PPM1L: variants seen among roughly 807,000 people sequenced by gnomAD.
PPM1L encodes protein phosphatase 1L.
A neutral mutation model predicts 31.4 loss-of-function variants in PPM1L; 13 were observed. The ratio of observed to expected loss-of-function variants is 0.41; its 90% confidence interval spans 0.27 to 0.66. PPM1L has a LOEUF of 0.66. Among genes scored for constraint, PPM1L ranks in the 30% least tolerant of loss-of-function variants. The probability of loss-of-function intolerance (pLI) is 0.29; values close to 1 mark genes in which losing one functional copy is unlikely to be tolerated. For missense variants in PPM1L, 326 were observed against 453.7 expected, an observed-to-expected ratio of 0.72 and a Z score of 2.56; for synonymous variants, 184 against 175.4, an observed-to-expected ratio of 1.05 and a Z score of -0.39.
At chr3:160,931,996 T>TA (rs1714804441) in intron 1 of PPM1L, among the ~76,000 whole-genome samples, 1 of 152,018 alleles carries the variant, frequency 6.6e-6, no homozygotes, top group Non-Finnish European at 1.5e-5. Context: ...TCTTTTGTTT[T>TA]TTTGCTCTTT....
chr3:160,882,408 AG>A (rs1182413793), intron 1 of PPM1L: 1 of 152,236 alleles, frequency 6.6e-6, no homozygotes, highest in East Asian at 1.9e-4. Flanking sequence ...TTTTAGTTAT[AG>A]GATCAAGATA....
intron 1 of PPM1L, among the ~76,000 whole-genome samples, chr3:160,793,603 C>T (rs1243548491): frequency 2.0e-5 from 3 of 152,056 alleles, no homozygotes; most frequent in Non-Finnish European, 4.4e-5. Flanking sequence ...GTAAAGTGTG[C>T]GTGTTGATTT....
At chr3:160,939,907 A>G (rs1298645451) in intron 1 of PPM1L, among the ~76,000 whole-genome samples, 4 of 152,214 alleles carry the variant, frequency 2.6e-5, no homozygotes, top group Non-Finnish European at 5.9e-5. Flanking sequence ...GCTCAGAAGA[A>G]GACAGGAAAA....
intron 1 of PPM1L, among the ~76,000 whole-genome samples, chr3:160,839,099 A>C (rs1043500803): frequency 2.0e-5 from 3 of 152,178 alleles, no homozygotes; most frequent in Non-Finnish European, 4.4e-5. Context: ...GAAGGCCCTC[A>C]CCAGATGCTG....
At chr3:160,962,486 A>G (rs1315383926) in intron 2 of PPM1L, among the ~76,000 whole-genome samples, 1 of 150,282 alleles carries the variant, frequency 6.7e-6, no homozygotes, top group African/African-American at 2.4e-5. Context: ...CCCAATTTTA[A>G]TGAAATTAGT....
chr3:161,042,543 G>A (rs984203420), intron 2 of PPM1L, among the ~76,000 whole-genome samples: 1 of 152,130 alleles, frequency 6.6e-6, no homozygotes, highest in Non-Finnish European at 1.5e-5. Flanking sequence ...TCCCTCCCCA[G>A]TTCCATGCCA....
intron 1 of PPM1L, among the ~76,000 whole-genome samples, chr3:160,811,330 A>G (rs1257689415): frequency 6.6e-6 from 1 of 152,262 alleles, no homozygotes; most frequent in Non-Finnish European, 1.5e-5. Flanking sequence ...AATCAGCACT[A>G]CAGTCCTCAT....
chr3:160,869,402 G>A (rs1170800990), intron 1 of PPM1L, among the ~76,000 whole-genome samples: 1 of 152,070 alleles, frequency 6.6e-6, no homozygotes, highest in Non-Finnish European at 1.5e-5. Context: ...TGTTTGCTCA[G>A]CTTTGGTGTG....
chr3:160,919,742 A>T (rs1714323493), intron 1 of PPM1L, among the ~76,000 whole-genome samples: 4 of 152,160 alleles, frequency 2.6e-5, no homozygotes, highest in Non-Finnish European at 2.9e-5. Flanking sequence ...TCCCCCTTTC[A>T]GAAAAAAAGC....
chr3:160,883,963 T>C (rs1712821592), intron 1 of PPM1L, among the ~76,000 whole-genome samples: 4 of 151,458 alleles, frequency 2.6e-5, no homozygotes, highest in Admixed American at 2.6e-4. Context: ...CCAGCTACTC[T>C]GGAGGCTGAG....
intron 2 of PPM1L, among the ~76,000 whole-genome samples, chr3:161,033,247 T>A (rs1395735724): frequency 6.6e-6 from 1 of 152,108 alleles, no homozygotes; most frequent in African/African-American, 2.4e-5. Flanking sequence ...ATCAATATCA[T>A]GAAAATGGCC....
chr3:160,813,271 A>G (rs1712863948), intron 1 of PPM1L, among the ~76,000 whole-genome samples: 1 of 151,734 alleles, frequency 6.6e-6, no homozygotes, highest in Non-Finnish European at 1.5e-5. Context: ...AGCTATCTCT[A>G]GTTAAGTTTT....
intron 2 of PPM1L, among the ~76,000 whole-genome samples, chr3:160,966,996 C>A (rs998902074): frequency 1.3e-5 from 2 of 152,094 alleles, no homozygotes; most frequent in Non-Finnish European, 2.9e-5. Context: ...ACTCAAATCT[C>A]ATCTTGAATT....
intron 2 of PPM1L, among the ~76,000 whole-genome samples, chr3:161,040,395 CAT>C (rs1303052050): frequency 2.0e-5 from 3 of 152,148 alleles, no homozygotes; most frequent in African/African-American, 4.8e-5. Context: ...ACTGATATAA[CAT>C]GTGTACTTAA....
At position 160,842,401 on chromosome 3, in the gene PPM1L, T is replaced by A. The variant is rs1713911630; in HGVS notation, c.399+85694T>A. 5.9e-6 allele frequency: 4 copies of A among 680,612 alleles called. No individual in the cohort carries two copies. The Admixed American group carries it at 8.4e-5, about 14-fold the overall frequency. The allele number at this position is 680,612 out of a possible 1,614,324, so 42.2% of individuals were successfully genotyped here. On this transcript the variant is annotated intron_variant, in intron 1 of 3. Coordinates refer to ENST00000498165, the MANE Select transcript of PPM1L (RefSeq NM_139245.4). The stretch of plus-strand genomic sequence containing the variant: ...AATTCAAATTGGGAGGGGCTTTGAA[T>A]GCCAGGCAAGGGAATTTGGACTTTA...
intron 2 of PPM1L, among the ~76,000 whole-genome samples, chr3:160,970,787 A>ATTCTTTTTTTTTTTTTTTTTT (rs1360956984): frequency 2.1e-5 from 2 of 97,198 alleles, no homozygotes; most frequent in African/African-American, 8.9e-5. Flanking sequence ...TTCAGTTATA[A>ATTCTTTTTTTTTTTTTTTTTT]TTTTTTTTTT....
chr3:161,036,384 G>C (rs915364667), intron 2 of PPM1L, among the ~76,000 whole-genome samples: 2 of 152,166 alleles, frequency 1.3e-5, no homozygotes, highest in Non-Finnish European at 2.9e-5. Context: ...TAATACCTCT[G>C]TGACCTTGGA....
intron 2 of PPM1L, among the ~76,000 whole-genome samples, chr3:161,003,998 T>C (rs1280095362): frequency 1.3e-5 from 2 of 148,920 alleles, no homozygotes; most frequent in East Asian, 2.0e-4. Flanking sequence ...GCTCTTATTA[T>C]TTTGAGATAC....
At position 160,762,865 on chromosome 3, in the gene PPM1L, A is replaced by T. The variant is rs569843709; in HGVS notation, c.399+6158A>T. Reference sequence around the variant, plus strand: ...TAATCATTCTAGAAGCTCATTCATTATTTTTTTCCATATTCAAGTACCCTC... The same window carrying T: ...TAATCATTCTAGAAGCTCATTCATTTTTTTTTTCCATATTCAAGTACCCTC... On this transcript the variant is annotated intron_variant, in intron 1 of 3. Transcript: ENST00000498165. 3.5e-4 allele frequency among the ~76,000 whole-genome samples: 53 copies of T among 152,150 alleles called. 2 individuals carry two copies. The South Asian group carries it at 0.011, about 30-fold the overall frequency.
Sources: allele counts gnomAD v4.1 joint callset (sites outside exome capture counted in the v4.1 genomes callset), GRCh38; gene constraint gnomAD v4.1.1; transcripts MANE v1.5; gene names NCBI Gene and HGNC (gene_info 2026-07-23, HGNC 2026-07-21).